The following RNF2 variants were observed in gnomAD, a reference collection of about 807,000 sequenced individuals.
The protein encoded by RNF2 is E3 ubiquitin-protein ligase RING2.
RNF2 carries 6 observed loss-of-function variants against 37.2 expected under a neutral mutation model. That is an observed-to-expected ratio of 0.16 (90% CI 0.09 to 0.32). RNF2 has a LOEUF of 0.32. Among genes scored for constraint, RNF2 ranks in the 10% least tolerant of loss-of-function variants. The pLI is 1.00. For synonymous variants in RNF2, 133 were observed against 132.7 expected (o/e 1.00, Z -0.02); for missense variants, 251 against 404.0 (o/e 0.62, Z 3.25).
intron 1 of RNF2, among the ~76,000 whole-genome samples, chr1:185,068,971 A>G (rs959230150): frequency 3.3e-5 from 5 of 152,188 alleles, no homozygotes; most frequent in African/African-American, 1.2e-4. Context: ...TCAAAATGTT[A>G]CATTTAAAGT....
At chr1:185,056,491 T>A (rs1196540335) in intron 1 of RNF2, among the ~76,000 whole-genome samples, 1 of 151,546 alleles carries the variant, frequency 6.6e-6, no homozygotes, top group Non-Finnish European at 1.5e-5. Context: ...CCTGAGTAGG[T>A]GGAACTATAG....
chr1:185,100,150 T>G, intron 6 of RNF2, 50 bp from the exon 7 acceptor site: 1 of 1,412,888 alleles, frequency 7.1e-7, no homozygotes, highest in Non-Finnish European at 9.7e-7. Flanking sequence ...ATTTCATTAT[T>G]ATTGTGGTTT....
intron 1 of RNF2, among the ~76,000 whole-genome samples, chr1:185,073,657 A>C (rs945054361): frequency 1.3e-5 from 2 of 152,218 alleles, no homozygotes; most frequent in African/African-American, 4.8e-5. Context: ...CTAAGGGCTG[A>C]TGTGTCTACT....
chr1:185,070,230 C>A (rs1266336831), intron 1 of RNF2, among the ~76,000 whole-genome samples: 1 of 152,024 alleles, frequency 6.6e-6, no homozygotes, highest in African/African-American at 2.4e-5. Context: ...TGCTAGTGAA[C>A]CTGAAAATTT....
At chr1:185,047,486 G>A (rs1030893432) in intron 1 of RNF2, among the ~76,000 whole-genome samples, 4 of 152,174 alleles carry the variant, frequency 2.6e-5, no homozygotes, top group Non-Finnish European at 4.4e-5. Flanking sequence ...TCACGTCTGT[G>A]TCTCTAATCT....
chr1:185,093,552 CT>C (rs1467040507), intron 4 of RNF2, among the ~76,000 whole-genome samples: 1 of 152,076 alleles, frequency 6.6e-6, no homozygotes, highest in African/African-American at 2.4e-5. Context: ...TTTTCCTATT[CT>C]TTTATGAACC....
chr1:185,072,947 C>T (rs920409291), intron 1 of RNF2, among the ~76,000 whole-genome samples: 1 of 151,518 alleles, frequency 6.6e-6, no homozygotes, highest in African/African-American at 2.4e-5. Flanking sequence ...CTCAAAAAAA[C>T]AAACAAAAAA....
At chr1:185,061,288 C>T (rs567060068) in intron 1 of RNF2, among the ~76,000 whole-genome samples, 140 of 151,814 alleles carry the variant, frequency 9.2e-4, no homozygotes, top group Non-Finnish European at 1.5e-3. Context: ...CCACCATGCC[C>T]GGCTAATTTT....
chr1:185,082,201 A>G (rs1170721336), intron 1 of RNF2, among the ~76,000 whole-genome samples: 1 of 152,140 alleles, frequency 6.6e-6, no homozygotes, highest in African/African-American at 2.4e-5. Context: ...CAACCATAGA[A>G]TGGTAGACAT....
At chr1:185,077,789 G>T (rs1401571411) in intron 1 of RNF2, among the ~76,000 whole-genome samples, 1 of 147,412 alleles carries the variant, frequency 6.8e-6, no homozygotes, top group Admixed American at 6.7e-5. Context: ...CTTTGTTTAG[G>T]TTCATTTTCT....
intron 1 of RNF2, among the ~76,000 whole-genome samples, chr1:185,060,587 AGAGTT>A (rs1650569668): frequency 6.6e-6 from 1 of 152,224 alleles, no homozygotes; most frequent in African/African-American, 2.4e-5. Context: ...AATTTAGTGT[AGAGTT>A]GATATGTGTT....
At chr1:185,071,315 G>T (rs1037956037) in intron 1 of RNF2, among the ~76,000 whole-genome samples, 1 of 152,060 alleles carries the variant, frequency 6.6e-6, no homozygotes, top group Non-Finnish European at 1.5e-5. Context: ...CTCAGTTTCC[G>T]GGCTAGTTTA....
chr1:185,082,332 C>G (rs967949946), intron 1 of RNF2, among the ~76,000 whole-genome samples: 1 of 103,894 alleles, frequency 9.6e-6, no homozygotes, highest in Admixed American at 1.1e-4. Flanking sequence ...AGGTTCTTGT[C>G]TCCTCTGCAG....
At chr1:185,079,983 A>T (rs989151492) in intron 1 of RNF2, among the ~76,000 whole-genome samples, 1 of 151,618 alleles carries the variant, frequency 6.6e-6, no homozygotes, top group Non-Finnish European at 1.5e-5. Flanking sequence ...TTGTCTTTTG[A>T]TAGGCCCCCA....
chr1:185,094,770 G>A (rs1043479747), intron 4 of RNF2, among the ~76,000 whole-genome samples: 45 of 152,154 alleles, frequency 3.0e-4, no homozygotes, highest in Admixed American at 2.7e-3. Flanking sequence ...TATAAGGTGG[G>A]CATTTTCCTT....
At chr1:185,095,108 C>T (rs1651875119) in intron 4 of RNF2, among the ~76,000 whole-genome samples, 1 of 152,170 alleles carries the variant, frequency 6.6e-6, no homozygotes, top group African/African-American at 2.4e-5. Flanking sequence ...ACTCTGTTTA[C>T]CAAAGTATAA....
At chr1:185,074,815 G>T (rs559334419) in intron 1 of RNF2, among the ~76,000 whole-genome samples, 421 of 152,230 alleles carry the variant, frequency 2.8e-3, no homozygotes, top group Non-Finnish European at 4.4e-3. Flanking sequence ...ATCTAGAGAT[G>T]ATTTAAAGTA....
chr1:185,094,008 A>G (rs1445251231), intron 4 of RNF2, among the ~76,000 whole-genome samples: 1 of 152,180 alleles, frequency 6.6e-6, no homozygotes, highest in Non-Finnish European at 1.5e-5. Flanking sequence ...TGGGTATCTA[A>G]TACTCATCTC....
At chr1:185,073,315 G>A (rs1483410982) in intron 1 of RNF2, among the ~76,000 whole-genome samples, 2 of 151,484 alleles carry the variant, frequency 1.3e-5, no homozygotes, top group African/African-American at 4.9e-5. Context: ...AAATTTTTTT[G>A]CTGGGTAAAT....
Sources: gnomAD v4.1 joint callset for allele counts (sites outside exome capture counted in the v4.1 genomes callset) on GRCh38, gnomAD v4.1.1 for gene constraint, MANE v1.5 for transcripts, NCBI Gene and HGNC (gene_info 2026-07-23, HGNC 2026-07-21) for gene names.